Variants in DLGAP4 observed in about 807,000 individuals in gnomAD.
DLGAP4 encodes DLG associated protein 4.
A neutral mutation model predicts 86.9 loss-of-function variants in DLGAP4; 18 were observed. The ratio of observed to expected loss-of-function variants is 0.21; its 90% CI spans 0.14 to 0.31. The LOEUF is 0.31. DLGAP4 is among the 10% of genes least tolerant of loss of function. The pLI is 1.00. For synonymous variants in DLGAP4, 548 were observed against 574.3 expected (o/e 0.95, Z 0.65); for missense variants, 1,085 against 1,362.6 (o/e 0.80, Z 3.21).
chr20:36,524,625 C>A (rs572374719), intron 11 of DLGAP4, among the ~76,000 whole-genome samples: 1 of 152,142 alleles, frequency 6.6e-6, no homozygotes, highest in East Asian at 1.9e-4. Flanking sequence ...CTGTATCGGC[C>A]GGGCACAGTG....
At chr20:36,509,056 T>G (rs1160086978) in intron 10 of DLGAP4, among the ~76,000 whole-genome samples, 1 of 152,256 alleles carries the variant, frequency 6.6e-6, no homozygotes, top group African/African-American at 2.4e-5. Flanking sequence ...TATTTTAATT[T>G]TATTTATATT....
At chr20:36,430,753 G>C (rs993355113) in intron 2 of DLGAP4, among the ~76,000 whole-genome samples, 5 of 151,144 alleles carry the variant, frequency 3.3e-5, no homozygotes, top group Non-Finnish European at 5.9e-5. Context: ...TCAGGAGTTC[G>C]AGACCAGTCT....
At chr20:36,424,687 C>G (rs2032925310) in intron 2 of DLGAP4, among the ~76,000 whole-genome samples, 1 of 151,896 alleles carries the variant, frequency 6.6e-6, no homozygotes. Flanking sequence ...AGCCCCTGCT[C>G]TCAGGAAAGT....
At chr20:36,382,526 T>C (rs2031435040) in intron 2 of DLGAP4, among the ~76,000 whole-genome samples, 1 of 145,252 alleles carries the variant, frequency 6.9e-6, no homozygotes, top group Admixed American at 6.8e-5. Flanking sequence ...TTTCTTTTTT[T>C]CTTTTTTTTT....
chr20:36,352,432 C>A, intron 1 of DLGAP4, among the ~76,000 whole-genome samples: 1 of 72,762 alleles, frequency 1.4e-5, no homozygotes, highest in East Asian at 4.1e-4. Flanking sequence ...GAGAGGTGAC[C>A]GTGGCTGGGA....
intron 7 of DLGAP4, among the ~76,000 whole-genome samples, chr20:36,474,292 G>A (rs750145827): frequency 6.6e-6 from 1 of 152,220 alleles, no homozygotes; most frequent in African/African-American, 2.4e-5. Context: ...GGGAAAGGTG[G>A]CCTGGGTTAG....
At chr20:36,521,706 T>C (rs1051435210) in intron 10 of DLGAP4, among the ~76,000 whole-genome samples, 6 of 152,174 alleles carry the variant, frequency 3.9e-5, no homozygotes, top group Admixed American at 3.9e-4. Context: ...ATGGCCTGAT[T>C]TTCCTCCTGC....
intron 2 of DLGAP4, among the ~76,000 whole-genome samples, chr20:36,385,836 A>G (rs2031575859): frequency 6.6e-6 from 1 of 152,146 alleles, no homozygotes; most frequent in Non-Finnish European, 1.5e-5. Context: ...GGCTTTTGGA[A>G]GGAGGTGGCC....
intron 7 of DLGAP4, among the ~76,000 whole-genome samples, chr20:36,490,020 G>A (rs1050841868): frequency 4.6e-5 from 7 of 151,688 alleles, no homozygotes; most frequent in East Asian, 1.9e-4. Flanking sequence ...CACCACACCC[G>A]GCTATTTTTT....
chr20:36,327,843 G>C (rs1288934238), intron 1 of DLGAP4, among the ~76,000 whole-genome samples: 17 of 147,558 alleles, frequency 1.2e-4, no homozygotes, highest in Non-Finnish European at 2.4e-4. Flanking sequence ...CGCCCGCCTC[G>C]GCCTCCCAAA....
At chr20:36,355,533 G>A (rs1161823974) in intron 1 of DLGAP4, among the ~76,000 whole-genome samples, 9 of 152,230 alleles carry the variant, frequency 5.9e-5, no homozygotes, top group African/African-American at 1.4e-4. Flanking sequence ...CTAGGCTCAA[G>A]CAGTCTTCCT....
At chr20:36,501,179 C>A (rs1569521099) in intron 10 of DLGAP4, among the ~76,000 whole-genome samples, 1 of 151,784 alleles carries the variant, frequency 6.6e-6, no homozygotes, top group Non-Finnish European at 1.5e-5. Flanking sequence ...AATTCTCCTG[C>A]CTCAGCCTCC....
chr20:36,450,329 C>G (rs1208371641), intron 7 of DLGAP4, among the ~76,000 whole-genome samples: 1 of 152,216 alleles, frequency 6.6e-6, no homozygotes, highest in East Asian at 1.9e-4. Context: ...GAAACCCTGT[C>G]TCTACTAAAA....
intron 4 of DLGAP4, 111 bp downstream of exon 4, chr20:36,436,461 A>G (rs2033281796): frequency 2.1e-6 from 3 of 1,412,188 alleles, no homozygotes; most frequent in Non-Finnish European, 9.2e-7. Context: ...CCTGCGTGGG[A>G]GCCACGCCCC....
Position 36,461,527 on chromosome 20 carries a change from GGCCGCCGCC to G in DLGAP4, c.1648+14600_1648+14608del, listed in dbSNP as rs746742747. 1.4e-5 allele frequency: 14 copies of G among 982,526 alleles called. No individual in the cohort carries two copies. The Admixed American group carries it at 1.9e-4, about 13-fold the overall frequency. The allele number at this position is 982,526 out of a possible 1,614,324, so 60.9% of individuals were successfully genotyped here. A position where few individuals can be genotyped will look rare whatever the true frequency, so the allele number is the denominator to read the frequency against. Reference sequence around the variant, plus strand: ...GGGAGGAGGGTGAGTGCCCGCCGCTGGCCGCCGCCGCCGCCGCCAGTCCGTCCGTCTGTC... The same window carrying G: ...GGGAGGAGGGTGAGTGCCCGCCGCTGGCCGCCGCCAGTCCGTCCGTCTGTC... On this transcript the variant is annotated intron_variant, in intron 7 of 12. Coordinates refer to ENST00000339266, the MANE Select transcript of DLGAP4 (RefSeq NM_001365621.2).
chr20:36,405,151 G>T (rs776713796), intron 2 of DLGAP4, among the ~76,000 whole-genome samples: 8 of 152,258 alleles, frequency 5.3e-5, no homozygotes, highest in Non-Finnish European at 8.8e-5. Context: ...TACCAGGGAA[G>T]CAGGGCAGCC....
intron 2 of DLGAP4, among the ~76,000 whole-genome samples, chr20:36,409,805 G>A (rs1460498975): frequency 6.6e-6 from 1 of 151,870 alleles, no homozygotes; most frequent in Non-Finnish European, 1.5e-5. Context: ...AGGCCAAGGT[G>A]GGCGGATCAC....
intron 2 of DLGAP4, among the ~76,000 whole-genome samples, chr20:36,412,145 T>C (rs1183264054): frequency 6.6e-6 from 1 of 152,256 alleles, no homozygotes; most frequent in Non-Finnish European, 1.5e-5. Context: ...GAATTAAATG[T>C]GCTGGCAATT....
intron 2 of DLGAP4, among the ~76,000 whole-genome samples, chr20:36,387,250 C>T (rs976442607): frequency 6.6e-6 from 1 of 152,156 alleles, no homozygotes; most frequent in Non-Finnish European, 1.5e-5. Context: ...TCATTAGCGT[C>T]GCCTGACTAT....
Sources: gnomAD v4.1 joint callset for allele counts (sites outside exome capture counted in the v4.1 genomes callset) on GRCh38, gnomAD v4.1.1 for gene constraint, MANE v1.5 for transcripts, NCBI Gene and HGNC (gene_info 2026-07-23, HGNC 2026-07-21) for gene names.